The following DNAH17 variants were observed in gnomAD, a reference collection of about 807,000 sequenced individuals.
DNAH17 encodes the protein axonemal beta dynein heavy chain 17.
In DNAH17, 376 loss-of-function variants were observed where a neutral mutation model predicts 485.6. The observed-to-expected ratio is 0.77, with a 90% confidence interval of 0.71 to 0.84. The LOEUF (loss-of-function observed/expected upper bound fraction) is 0.84. Ranked by LOEUF, DNAH17 falls within the 40% of genes least tolerant of loss-of-function variation. DNAH17 has a pLI of 0.00. For synonymous variants in DNAH17, 3,031 were observed against 2,405.9 expected (o/e 1.26, Z -7.60); for missense variants, 6,370 against 5,839.3 (o/e 1.09, Z -2.96).
chr17:78,525,311 G>GCTCTGTCCTCCCTCC, intron 24 of DNAH17, 150 bp from the exon 25 acceptor site: 1 of 1,242,850 alleles, frequency 8.0e-7, no homozygotes, highest in Non-Finnish European at 1.1e-6. Context: ...CACCTGGAGG[G>GCTCTGTCCTCCCTCC]AGGACAGAGC....
chr17:78,498,154 CATAAATAAATAAATAA>C (rs148513000), intron 37 of DNAH17, among the ~76,000 whole-genome samples: 187 of 146,690 alleles, frequency 1.3e-3, no homozygotes, highest in African/African-American at 4.3e-3. Flanking sequence ...AAAAACAAAA[CATAAATAAATAAATAA>C]ATAAATAAAT....
chr17:78,545,030 T>TTCC (rs1446772442), intron 16 of DNAH17, among the ~76,000 whole-genome samples: 1 of 152,054 alleles, frequency 6.6e-6, no homozygotes, highest in African/African-American at 2.4e-5. Context: ...AACCTCACCT[T>TTCC]TCCTCCTCCT....
chr17:78,570,158 G>A, intron 7 of DNAH17, 89 bp downstream of exon 7: 2 of 1,413,754 alleles, frequency 1.4e-6, no homozygotes, highest in South Asian at 1.4e-5. Flanking sequence ...CAAACTGCTG[G>A]GGAACATGGG....
intron 48 of DNAH17, among the ~76,000 whole-genome samples, chr17:78,482,236 G>A (rs1227818128): frequency 1.3e-5 from 2 of 151,544 alleles, no homozygotes; most frequent in African/African-American, 2.4e-5. Context: ...GTAGAGACAG[G>A]GTCTCACTAT....
Position 78,460,920 on chromosome 17 carries a change from C to T in DNAH17, c.9339+624G>A, listed in dbSNP as rs377013237. ...AGGAGACAGTGGGCCATGACTGGAA[C>T]GCTCTTCAATAATTACACAGATGTA... On this transcript the variant is annotated intron_variant, in intron 58 of 80. Coordinates refer to ENST00000389840, the MANE Select transcript of DNAH17 (RefSeq NM_173628.4). Among the ~76,000 whole-genome samples the T allele has an allele frequency of 3.5e-4, 53 of 152,238 alleles. 1 individual carries two copies. The highest frequency in any genetic ancestry group is 1.1e-3 in the African/African-American group (46 of 41,522).
At position 78,498,959 on chromosome 17, in the gene DNAH17, C is replaced by T. The variant is rs745473677; in HGVS notation, c.5745+49G>A. On this transcript the variant is annotated intron_variant, in intron 37 of 80. Coordinates refer to ENST00000389840, the MANE Select transcript of DNAH17 (RefSeq NM_173628.4). The stretch of plus-strand genomic sequence containing the variant: ...GCGTGTGAGGTCACAGGAAAGCTGA[C>T]GAGCCAGTCACCCGACGTGACCCCG... The T allele has an allele frequency of 2.2e-5, 32 of 1,433,768 alleles. No individual in the cohort carries two copies. The South Asian group carries it at 2.3e-4, about 10-fold the overall frequency. The allele number at this position is 1,433,768 out of a possible 1,614,324, so 88.8% of individuals were successfully genotyped here.
Position 78,459,997 on chromosome 17 carries a change from T to C in DNAH17, c.9440A>G (p.Asn3147Ser). 3 of 1,612,610 alleles carry C rather than the reference T, an allele frequency of 1.9e-6. No homozygotes were observed. The highest frequency in any genetic ancestry group is 1.7e-6 in the Non-Finnish European group (2 of 1,179,864). ...QEALDTLNKNNLTELKSFGSP... is the reference protein window; with the variant it reads ...QEALDTLNKNSLTELKSFGSP... ...CCCAAAGGACTTCAGCTCTGTCAGGTTGTTCTGCAAATGACAGACGGGATG... is the reference window on the plus strand; with the variant it reads ...CCCAAAGGACTTCAGCTCTGTCAGGCTGTTCTGCAAATGACAGACGGGATG... Residue 3147 changes from asparagine to serine, a missense_variant, in exon 60 of 81, where the codon AAC becomes AGC. Coordinates refer to ENST00000389840, the MANE Select transcript of DNAH17 (RefSeq NM_173628.4).
At chr17:78,480,621 A>G (rs1364304209) in intron 49 of DNAH17, 63 bp downstream of exon 49, 4 of 1,423,206 alleles carry the variant, frequency 2.8e-6, no homozygotes, top group Non-Finnish European at 3.9e-6. Context: ...TTTTCCTCTC[A>G]TTTGCCAGAA....
At chr17:78,550,858 A>G (rs1025967862) in intron 16 of DNAH17, among the ~76,000 whole-genome samples, 1 of 152,160 alleles carries the variant, frequency 6.6e-6, no homozygotes, top group African/African-American at 2.4e-5. Flanking sequence ...ACAAGGGAGG[A>G]CTCAAAGTAT....
intron 72 of DNAH17, among the ~76,000 whole-genome samples, chr17:78,439,652 T>C (rs900381698): frequency 1.3e-5 from 2 of 150,082 alleles, no homozygotes; most frequent in African/African-American, 2.4e-5. Context: ...TTGTAGCATG[T>C]ATCAGTACTT....
At chr17:78,435,824 C>T (rs1419505520) in intron 74 of DNAH17, among the ~76,000 whole-genome samples, 1 of 152,210 alleles carries the variant, frequency 6.6e-6, no homozygotes, top group Non-Finnish European at 1.5e-5. Flanking sequence ...GCACTCATCA[C>T]ACTAGGGTGC....
At chr17:78,540,447 A>ATGGGTGGGTGGATGGGTGGGTGGG (rs1555687976) in intron 17 of DNAH17, among the ~76,000 whole-genome samples, 2 of 6,316 alleles carry the variant, frequency 3.2e-4, no homozygotes, top group Non-Finnish European at 5.8e-4. Flanking sequence ...GGATGGATGG[A>ATGGGTGGGTGGATGGGTGGGTGGG]TGGGTGGGTG....
chr17:78,448,712 C>G (rs988950002), intron 69 of DNAH17, among the ~76,000 whole-genome samples: 23 of 152,192 alleles, frequency 1.5e-4, no homozygotes, highest in African/African-American at 5.1e-4. Context: ...TGGGCCGTGA[C>G]AGCAGAGTGA....
chr17:78,480,379 G>A (rs1023053882), intron 49 of DNAH17, among the ~76,000 whole-genome samples: 5 of 151,956 alleles, frequency 3.3e-5, no homozygotes, highest in Admixed American at 2.6e-4. Context: ...AAAAAAGAAC[G>A]GTATGTCCCA....
intron 19 of DNAH17, among the ~76,000 whole-genome samples, chr17:78,534,368 G>T (rs969203459): frequency 6.6e-6 from 1 of 151,914 alleles, no homozygotes; most frequent in African/African-American, 2.4e-5. Context: ...TGGGATGGAA[G>T]GGGAAGGTTG....
chr17:78,532,929 A>G, intron 19 of DNAH17, 193 bp from the exon 20 acceptor site: 1 of 597,580 alleles, frequency 1.7e-6, no homozygotes, highest in Non-Finnish European at 2.9e-6. Flanking sequence ...CACTCCTGGG[A>G]GGTCACCATA....
chr17:78,472,613 G>C (rs1170040561), intron 54 of DNAH17: 1 of 392,724 alleles, frequency 2.5e-6, no homozygotes, highest in Admixed American at 2.9e-5. Context: ...CCCACCGCCT[G>C]GCCCCGGGGG....
At position 78,524,954 on chromosome 17, in the gene DNAH17, G is replaced by C; in HGVS notation, c.3864+55C>G. ...CCAGAGCCTGCCCTCTTGTTGCCGG[G>C]GGCAGCTCCCTGCAGAATCCCGGGC... is the stretch of plus-strand genomic sequence containing the variant. On this transcript the variant is annotated intron_variant, in intron 25 of 80. Coordinates refer to ENST00000389840, the MANE Select transcript of DNAH17 (RefSeq NM_173628.4). 5.1e-6 allele frequency: 8 copies of C among 1,563,240 alleles called. No individual in the cohort carries two copies. In the South Asian group the frequency reaches 9.3e-5, roughly 18 times the overall value.
intron 11 of DNAH17, among the ~76,000 whole-genome samples, chr17:78,563,052 G>C (rs762088896): frequency 3.3e-5 from 5 of 152,190 alleles, no homozygotes; most frequent in Admixed American, 6.5e-5. Context: ...CCCTAGAAAT[G>C]GCCACAGGAG....
Sources: gnomAD v4.1 joint callset for allele counts (sites outside exome capture counted in the v4.1 genomes callset) on GRCh38, gnomAD v4.1.1 for gene constraint, MANE v1.5 for transcripts, NCBI Gene and HGNC (gene_info 2026-07-23, HGNC 2026-07-21) for gene names.